MAF: variants seen among roughly 807,000 people sequenced by gnomAD.
MAF encodes MAF bZIP transcription factor.
Under a neutral mutation model 22.0 loss-of-function variants are expected in MAF, and 10 were observed. The ratio of observed to expected loss-of-function variants is 0.45; its 90% CI spans 0.28 to 0.77. The LOEUF (loss-of-function observed/expected upper bound fraction) is 0.77, where lower values mean the gene tolerates loss of function less well. Among genes scored for constraint, MAF ranks in the 30% least tolerant of loss-of-function variants. MAF has a pLI of 0.12. For synonymous variants in MAF, 337 were observed against 255.8 expected, an observed-to-expected ratio of 1.32 and a Z score of -3.03; for missense variants, 544 against 548.4, an observed-to-expected ratio of 0.99 and a Z score of 0.08.
chr16:79,423,383 T>C, the MAF span, among the ~76,000 whole-genome samples: 8 of 152,156 alleles, frequency 5.3e-5, no homozygotes, highest in African/African-American at 1.7e-4. Context: ...TGTGATGTGA[T>C]GTCAGCCCCT....
At chr16:79,405,577 C>T in the MAF span, among the ~76,000 whole-genome samples, 1 of 152,172 alleles carries the variant, frequency 6.6e-6, no homozygotes, top group Non-Finnish European at 1.5e-5. Context: ...CACCGTTTAT[C>T]CCTTCAATTC....
chr16:79,297,459 A>C, the MAF span, among the ~76,000 whole-genome samples: 1 of 152,178 alleles, frequency 6.6e-6, no homozygotes, highest in African/African-American at 2.4e-5. Context: ...TTTTGTAACA[A>C]AGTCAGACTG....
chr16:79,475,380 G>GTA, the MAF span, among the ~76,000 whole-genome samples: 1 of 151,612 alleles, frequency 6.6e-6, no homozygotes. Context: ...GTGTGTGTGT[G>GTA]TGTATGCAAG....
the MAF span, among the ~76,000 whole-genome samples, chr16:79,225,669 C>T: frequency 1.3e-5 from 2 of 151,850 alleles, no homozygotes; most frequent in African/African-American, 4.8e-5. Flanking sequence ...AGAACTTAAA[C>T]AAATTTACAA....
At chr16:79,478,337 T>C in the MAF span, among the ~76,000 whole-genome samples, 6 of 152,160 alleles carry the variant, frequency 3.9e-5, no homozygotes, top group East Asian at 9.7e-4. Flanking sequence ...TGTGGTAGAG[T>C]CTACAGGAGC....
At chr16:79,278,910 T>C in the MAF span, among the ~76,000 whole-genome samples, 3 of 152,234 alleles carry the variant, frequency 2.0e-5, no homozygotes, top group East Asian at 5.8e-4. Flanking sequence ...TGTACCAGGT[T>C]CCTGGGGAAT....
At chr16:79,237,782 G>T in the MAF span, among the ~76,000 whole-genome samples, 1 of 152,110 alleles carries the variant, frequency 6.6e-6, no homozygotes, top group Non-Finnish European at 1.5e-5. Flanking sequence ...TCCACCAGTG[G>T]CTAGCAGCGA....
At chr16:79,594,909 T>G (rs1334178403) in intron 1 of MAF, 5 of 1,153,644 alleles carry the variant, frequency 4.3e-6, no homozygotes, top group Non-Finnish European at 5.4e-6. Flanking sequence ...TCAACTACCT[T>G]GTAGATTCCT....
chr16:79,235,794 G>A, the MAF span, among the ~76,000 whole-genome samples: 2 of 151,926 alleles, frequency 1.3e-5, no homozygotes, highest in East Asian at 3.9e-4. Flanking sequence ...CACACCACAG[G>A]CACACCACTA....
the MAF span, among the ~76,000 whole-genome samples, chr16:79,317,416 CT>C: frequency 3.4e-5 from 5 of 146,270 alleles, no homozygotes; most frequent in African/African-American, 2.5e-5. Context: ...CTCTCCCTCC[CT>C]CCTTTCTCCC....
chr16:79,266,305 A>G, the MAF span, among the ~76,000 whole-genome samples: 1 of 152,210 alleles, frequency 6.6e-6, no homozygotes, highest in Admixed American at 6.5e-5. Context: ...TTTTCAGTCC[A>G]TGGTTGACCA....
At chr16:79,497,570 T>C in the MAF span, among the ~76,000 whole-genome samples, 4 of 152,218 alleles carry the variant, frequency 2.6e-5, no homozygotes, top group African/African-American at 9.6e-5. Flanking sequence ...GGGATGCCTT[T>C]ATCTAATTCA....
At chr16:79,496,887 T>G in the MAF span, among the ~76,000 whole-genome samples, 1 of 152,192 alleles carries the variant, frequency 6.6e-6, no homozygotes. Flanking sequence ...TGATTATTAT[T>G]TTTTTCCTTG....
chr16:79,338,848 G>T, the MAF span, among the ~76,000 whole-genome samples: 1 of 152,146 alleles, frequency 6.6e-6, no homozygotes, highest in African/African-American at 2.4e-5. Context: ...GGGTTAGTGT[G>T]GGTGAGCTGT....
the MAF span, among the ~76,000 whole-genome samples, chr16:79,236,843 C>T: frequency 6.6e-6 from 1 of 151,682 alleles, no homozygotes; most frequent in Non-Finnish European, 1.5e-5. Context: ...CCAGGGACAA[C>T]CTATACAAGG....
chr16:79,212,131 C>T, the MAF span: 7 of 1,529,260 alleles, frequency 4.6e-6, no homozygotes, highest in South Asian at 1.2e-5. Context: ...ATAGAATAGC[C>T]TGAGGTCCCC....
In MAF at chr16:79,594,461, C is replaced by G. The variant is rs1404972154; in HGVS notation, c.1211G>C (p.Ter404SerextTer46). The G allele has an allele frequency of 6.4e-7, 1 of 1,556,188 alleles. No individual in the cohort carries two copies. Among genetic ancestry groups the G allele is most frequent in the South Asian group, 1.2e-5 (1 of 84,480 alleles). The part of the protein sequence containing the change: ...HRVLTSVFTK[*>S] ...TAATGTACAGCTCTCACACAAATTT[C>G]ATTTTGTGAACACACTGGTAAGTAC... The change falls in exon 2 of 2, where the codon TGA (stop) becomes TCA (serine). Residue 404 changes from the stop codon to serine, a stop_lost. Transcript: ENST00000326043.
the MAF span, among the ~76,000 whole-genome samples, chr16:79,323,924 G>A: frequency 1.3e-5 from 2 of 152,262 alleles, no homozygotes; most frequent in African/African-American, 4.8e-5. Context: ...AGAGAGGTGG[G>A]TAGATATTTA....
At chr16:79,333,733 C>A in the MAF span, among the ~76,000 whole-genome samples, 1 of 152,178 alleles carries the variant, frequency 6.6e-6, no homozygotes, top group Admixed American at 6.5e-5. Flanking sequence ...CTATCTGATG[C>A]CAGATCCCAA....
Sources: allele counts gnomAD v4.1 joint callset (sites outside exome capture counted in the v4.1 genomes callset), GRCh38; gene constraint gnomAD v4.1.1; transcripts MANE v1.5; gene names NCBI Gene and HGNC (gene_info 2026-07-23, HGNC 2026-07-21).